Variants in ASH1L observed in about 807,000 individuals in gnomAD.
ASH1L encodes histone-lysine N-methyltransferase ASH1L.
A neutral mutation model predicts 269.0 loss-of-function variants in ASH1L; 23 were observed. That is an observed-to-expected ratio of 0.09 (90% CI 0.06 to 0.12). The LOEUF is 0.12. Ranked by LOEUF, ASH1L falls within the 10% of genes least tolerant of loss-of-function variation. ASH1L has a pLI of 1.00. For missense variants in ASH1L, 2,912 were observed against 3,567.8 expected, an observed-to-expected ratio of 0.82 and a Z score of 4.68; for synonymous variants, 1,187 against 1,253.5, an observed-to-expected ratio of 0.95 and a Z score of 1.12.
In ASH1L at chr1:155,454,570, C is replaced by A. The variant is rs565114947; in HGVS notation, c.5086+5227G>T. Among the ~76,000 whole-genome samples the A allele has an allele frequency of 4.6e-5, 7 of 152,182 alleles. No homozygotes were observed. In the East Asian group the frequency reaches 1.4e-3, roughly 29 times the overall value. ...ATTACTTGAGGTCAGGAGTTCGAGACCAGCCTGGCCAACATGGTGAAACCC... is the reference window on the plus strand; with the variant it reads ...ATTACTTGAGGTCAGGAGTTCGAGAACAGCCTGGCCAACATGGTGAAACCC... On this transcript the variant is annotated intron_variant, in intron 4 of 27. Coordinates refer to ENST00000392403, the MANE Select transcript of ASH1L (RefSeq NM_018489.3).
At position 155,343,261 on chromosome 1, in the gene ASH1L, G is replaced by T; in HGVS notation, c.8293+53C>A. 6.4e-7 allele frequency: 1 copy of T among 1,564,444 alleles called. No homozygotes were observed. ...CTCCCACACCGCTGGGATTATCAGCGTGAGCCACTGCACTTGGCCGAGGTC... is the reference window on the plus strand; with the variant it reads ...CTCCCACACCGCTGGGATTATCAGCTTGAGCCACTGCACTTGGCCGAGGTC... On this transcript the variant is annotated intron_variant, in intron 24 of 27. Coordinates refer to ENST00000392403, the MANE Select transcript of ASH1L (RefSeq NM_018489.3). The surrounding 1 kb of genome is among the most constrained non-coding windows in gnomAD (Gnocchi z 6.1).
At chr1:155,420,742 C>A (rs1480791050) in intron 5 of ASH1L, among the ~76,000 whole-genome samples, 1 of 151,136 alleles carries the variant, frequency 6.6e-6, no homozygotes, top group Admixed American at 6.6e-5. Flanking sequence ...CTCAGCTACT[C>A]GGGAGGCTGA....
At chr1:155,365,594 T>C (rs1655348890) in intron 12 of ASH1L, among the ~76,000 whole-genome samples, 1 of 152,088 alleles carries the variant, frequency 6.6e-6, no homozygotes, top group Non-Finnish European at 1.5e-5. Flanking sequence ...TCCCTCTACC[T>C]CATTTCTCCA....
intron 7 of ASH1L, among the ~76,000 whole-genome samples, chr1:155,385,052 C>T (rs1252625845): frequency 1.7e-5 from 2 of 118,744 alleles, no homozygotes; most frequent in African/African-American, 3.0e-5. Context: ...GCTGTTAAGT[C>T]TATCTCTGAA....
At chr1:155,521,958 A>G (rs1361263736) in intron 1 of ASH1L, among the ~76,000 whole-genome samples, 1 of 152,178 alleles carries the variant, frequency 6.6e-6, no homozygotes, top group Non-Finnish European at 1.5e-5. Flanking sequence ...TCAGTTTTAA[A>G]AGAATATATT....
In ASH1L at chr1:155,478,062, T is replaced by A. The variant is rs1282367462; in HGVS notation, c.4808A>T (p.His1603Leu). The A allele has an allele frequency of 6.2e-7, 1 of 1,614,104 alleles. No individual in the cohort carries two copies. The highest frequency in any genetic ancestry group is 1.3e-5 in the African/African-American group (1 of 74,940). Residue 1603 changes from histidine to leucine, a missense_variant, in exon 3 of 28, where the codon CAT (histidine) becomes CTT (leucine). Coordinates refer to ENST00000392403, the MANE Select transcript of ASH1L (RefSeq NM_018489.3). This position sits in a 1 kb window ranked among gnomAD's most constrained non-coding sequence, Gnocchi z 4.6. ...PNSEPASSDE[H>L]TNLFTSAIGS... is the part of the protein sequence containing the mutation. ...TATTGCACTTGTGAAAAGGTTTGTA[T>A]GTTCATCACTGCTGGCTGGCTCAGA...
intron 21 of ASH1L, among the ~76,000 whole-genome samples, chr1:155,345,524 C>G (rs1345611880): frequency 6.7e-6 from 1 of 149,708 alleles, no homozygotes. Context: ...CTGCCCGCCT[C>G]GGCCTCCCAA....
chr1:155,342,541 G>T (rs568377237), intron 24 of ASH1L, among the ~76,000 whole-genome samples: 1 of 152,166 alleles, frequency 6.6e-6, no homozygotes, highest in Non-Finnish European at 1.5e-5. Flanking sequence ...AATGGAATAC[G>T]TAGTCTTTTA....
intron 2 of ASH1L, among the ~76,000 whole-genome samples, chr1:155,513,828 A>G (rs1157667677): frequency 6.6e-6 from 1 of 152,200 alleles, no homozygotes; most frequent in African/African-American, 2.4e-5. Context: ...CTACCCAGAA[A>G]AGTAATAGCT....
At chr1:155,386,306 G>A (rs1046184253) in intron 7 of ASH1L, among the ~76,000 whole-genome samples, 1 of 152,072 alleles carries the variant, frequency 6.6e-6, no homozygotes, top group Non-Finnish European at 1.5e-5. Flanking sequence ...GACCTCAGGT[G>A]ATCTGCCTGC....
At chr1:155,370,359 C>T (rs1655831892) in intron 12 of ASH1L, 145 bp downstream of exon 12, 1 of 966,874 alleles carries the variant, frequency 1.0e-6, no homozygotes, top group African/African-American at 1.6e-5. Context: ...AACGAAGCAG[C>T]TTACTCTGCC....
At chr1:155,362,858 C>T (rs1298690579) in intron 12 of ASH1L, among the ~76,000 whole-genome samples, 1 of 152,144 alleles carries the variant, frequency 6.6e-6, no homozygotes, top group African/African-American at 2.4e-5. Flanking sequence ...CTTCTTGTCT[C>T]CTTACCAATG....
chr1:155,504,222 T>C (rs970865596), intron 2 of ASH1L, among the ~76,000 whole-genome samples: 13 of 152,232 alleles, frequency 8.5e-5, no homozygotes, highest in African/African-American at 2.4e-4. Context: ...CTATATTTTT[T>C]AGTGGTTAGT....
At chr1:155,436,798 A>G (rs1662136891) in intron 5 of ASH1L, among the ~76,000 whole-genome samples, 1 of 152,048 alleles carries the variant, frequency 6.6e-6, no homozygotes, top group Non-Finnish European at 1.5e-5. Flanking sequence ...CCTGGCCAAG[A>G]GTTTCTGGTT....
chr1:155,448,709 C>T (rs112838002), intron 4 of ASH1L, among the ~76,000 whole-genome samples: 7,159 of 151,786 alleles, frequency 0.047, 582 homozygotes, highest in African/African-American at 0.17. Flanking sequence ...GTTGGTCAGG[C>T]TGGTCTCAAA....
At chr1:155,410,663 T>C (rs1337607193) in intron 6 of ASH1L, among the ~76,000 whole-genome samples, 8 of 150,448 alleles carry the variant, frequency 5.3e-5, no homozygotes, top group Non-Finnish European at 1.2e-4. Context: ...TGTTGTATGA[T>C]ATTACAACAG....
chr1:155,484,946 AAAAC>A (rs1666221960), intron 2 of ASH1L, among the ~76,000 whole-genome samples: 6 of 142,096 alleles, frequency 4.2e-5, no homozygotes, highest in African/African-American at 1.7e-4. Context: ...AAAAAAAACA[AAAAC>A]AAAAACAAAA....
chr1:155,380,937 G>A (rs540927917), intron 7 of ASH1L, among the ~76,000 whole-genome samples: 120 of 151,938 alleles, frequency 7.9e-4, no homozygotes, highest in Non-Finnish European at 1.4e-3. Context: ...ACCGCACCTG[G>A]CCAAAAGAAT....
chr1:155,501,480 C>T lies in ASH1L; in HGVS notation c.421-19031G>A, dbSNP rs1175668663. Among the ~76,000 whole-genome samples the T allele has an allele frequency of 2.0e-5, 3 of 152,178 alleles. 1 individual carries two copies. Among genetic ancestry groups the T allele is most frequent in the South Asian group, 4.1e-4 (2 of 4,826 alleles). The stretch of plus-strand genomic sequence containing the variant: ...CCACCTCCCGGTTTCAAGTGATTAT[C>T]GTACTCCATCCCTCCAAGTAGCTGG... On this transcript the variant is annotated intron_variant, in intron 2 of 27. Transcript: ENST00000392403.
Sources: gnomAD v4.1 joint callset for allele counts (sites outside exome capture counted in the v4.1 genomes callset) on GRCh38, gnomAD v4.1.1 for gene constraint, Gnocchi (gnomAD v3.1) non-coding constraint, MANE v1.5 for transcripts, NCBI Gene and HGNC (gene_info 2026-07-23, HGNC 2026-07-21) for gene names.